Variants in CRYL1 observed in about 807,000 individuals in gnomAD.
CRYL1 encodes the protein lambda-crystallin homolog.
CRYL1 carries 29 observed loss-of-function variants against 36.6 expected under a neutral mutation model. That is an observed-to-expected ratio of 0.79 (90% CI 0.59 to 1.08). CRYL1 has a LOEUF of 1.08. CRYL1 is among the 50% of genes least tolerant of loss of function. CRYL1 has a pLI of 0.00. For missense variants in CRYL1, 411 were observed against 407.9 expected (o/e 1.01, Z -0.06); for synonymous variants, 152 against 151.5 (o/e 1.00, Z -0.02).
intron 3 of CRYL1, among the ~76,000 whole-genome samples, chr13:20,457,826 C>T (rs2032722210): frequency 6.6e-6 from 1 of 152,174 alleles, no homozygotes; most frequent in African/African-American, 2.4e-5. Context: ...TTCACTCACT[C>T]ACAAGATGAT....
intron 5 of CRYL1, chr13:20,426,799 A>C: frequency 7.1e-6 from 7 of 985,486 alleles, no homozygotes; most frequent in Non-Finnish European, 8.4e-6. Context: ...CTCAACGATG[A>C]AGTTCTGGAA....
chr13:20,405,997 A>T (rs1389740267), intron 6 of CRYL1: 1 of 152,254 alleles, frequency 6.6e-6, no homozygotes, highest in Admixed American at 6.5e-5. Context: ...CAGGGCCGGG[A>T]TCCTGGAAGA....
chr13:20,458,282 T>C (rs1427992217), intron 3 of CRYL1, among the ~76,000 whole-genome samples: 3 of 152,220 alleles, frequency 2.0e-5, no homozygotes, highest in Non-Finnish European at 4.4e-5. Flanking sequence ...TAGACTTCTC[T>C]GGGCAAATTT....
intron 3 of CRYL1, among the ~76,000 whole-genome samples, chr13:20,465,144 T>C (rs1290083517): frequency 3.9e-5 from 6 of 152,194 alleles, no homozygotes; most frequent in Non-Finnish European, 7.3e-5. Flanking sequence ...CTGGACAATA[T>C]CTCCAGCTTA....
chr13:20,431,254 C>A, intron 5 of CRYL1: 1 of 985,450 alleles, frequency 1.0e-6, no homozygotes, highest in South Asian at 4.7e-5. Context: ...CCATGCGAGT[C>A]CAAACAAGGA....
chr13:20,415,629 C>T lies in CRYL1; in HGVS notation c.634-2242G>A, dbSNP rs1490463442. ...TTGCGCACACGGGACACAAGCATAT[C>T]GAGGCTGAACAAGCCACAGTCCACG... On this transcript the variant is annotated intron_variant, in intron 5 of 7. Coordinates refer to ENST00000298248, the MANE Select transcript of CRYL1 (RefSeq NM_015974.3). This position sits in a 1 kb window ranked among gnomAD's most constrained non-coding sequence, Gnocchi z 4.1. Among the ~76,000 whole-genome samples, 2 of 152,310 alleles carry T rather than the reference C, an allele frequency of 1.3e-5. No individual in the cohort carries two copies. The highest frequency in any genetic ancestry group is 6.5e-5 in the Admixed American group (1 of 15,306).
chr13:20,404,114 T>A lies in CRYL1; in HGVS notation c.*15A>T, dbSNP rs1352255291. 5.7e-6 allele frequency: 9 copies of A among 1,576,774 alleles called. No individual in the cohort carries two copies. The highest frequency in any genetic ancestry group is 7.9e-6 in the Non-Finnish European group (9 of 1,145,956). On this transcript the variant is annotated 3_prime_UTR_variant, in exon 8 of 8. Coordinates refer to ENST00000298248, the MANE Select transcript of CRYL1 (RefSeq NM_015974.3). ...GGCCTCCAATGAGAGGAGTGGAAGC[T>A]GCATTACAAGAAATTCACTGGGGCT...
At chr13:20,492,776 A>T (rs2033534972) in intron 2 of CRYL1, among the ~76,000 whole-genome samples, 1 of 152,146 alleles carries the variant, frequency 6.6e-6, no homozygotes, top group South Asian at 2.1e-4. Context: ...TGGACATCTA[A>T]CTGTGGTTGC....
Position 20,415,026 on chromosome 13 carries a change from G to A in CRYL1, c.634-1639C>T, listed in dbSNP as rs940093169. Among the ~76,000 whole-genome samples, 15 of 152,326 alleles carry A rather than the reference G, an allele frequency of 9.8e-5. No homozygotes were observed. The highest frequency in any genetic ancestry group is 3.4e-4 in the African/African-American group (14 of 41,580). Reference sequence around the variant, plus strand: ...AGCGCTGGCCCGCCTGCGAGAGCCCGACCGTGGACGATGCGTCGCGCCCTT... The same window carrying A: ...AGCGCTGGCCCGCCTGCGAGAGCCCAACCGTGGACGATGCGTCGCGCCCTT... On this transcript the variant is annotated intron_variant, in intron 5 of 7. Coordinates refer to ENST00000298248, the MANE Select transcript of CRYL1 (RefSeq NM_015974.3). The surrounding 1 kb of genome is among the most constrained non-coding windows in gnomAD (Gnocchi z 4.1).
At chr13:20,515,530 T>C (rs111662132) in intron 1 of CRYL1, among the ~76,000 whole-genome samples, 168 of 152,258 alleles carry the variant, frequency 1.1e-3, no homozygotes, top group African/African-American at 3.9e-3. Flanking sequence ...TGGCATAATG[T>C]AGGGAGTTGC....
chr13:20,464,707 T>C (rs951893566), intron 3 of CRYL1, among the ~76,000 whole-genome samples: 4 of 152,156 alleles, frequency 2.6e-5, no homozygotes, highest in African/African-American at 9.7e-5. Context: ...CCTTTTGGAA[T>C]TTTTTTTATT....
chr13:20,457,711 T>C (rs1185828207), intron 3 of CRYL1, among the ~76,000 whole-genome samples: 1 of 152,196 alleles, frequency 6.6e-6, no homozygotes, highest in African/African-American at 2.4e-5. Context: ...ATCCATGAAA[T>C]GGGAACAACA....
chr13:20,424,845 C>T (rs1593435142), intron 5 of CRYL1, among the ~76,000 whole-genome samples: 1 of 152,104 alleles, frequency 6.6e-6, no homozygotes, highest in East Asian at 1.9e-4. Flanking sequence ...GCCCCATCAG[C>T]GATTCACTCA....
chr13:20,434,837 G>A (rs1281407664), intron 4 of CRYL1, among the ~76,000 whole-genome samples: 1 of 151,174 alleles, frequency 6.6e-6, no homozygotes, highest in Non-Finnish European at 1.5e-5. Flanking sequence ...ATCAGTTACT[G>A]AAGTCCTGTT....
At chr13:20,523,712 G>C (rs1381696864) in intron 1 of CRYL1, among the ~76,000 whole-genome samples, 1 of 152,142 alleles carries the variant, frequency 6.6e-6, no homozygotes, top group Non-Finnish European at 1.5e-5. Flanking sequence ...AAGTGCTGAG[G>C]GTGGGGGAAA....
chr13:20,435,961 A>G lies in CRYL1; in HGVS notation c.438+3632T>C, dbSNP rs1242860804. Among the ~76,000 whole-genome samples the G allele has an allele frequency of 2.6e-5, 4 of 152,196 alleles. No individual in the cohort carries two copies. The highest frequency in any genetic ancestry group is 2.1e-4 in the South Asian group (1 of 4,828). On this transcript the variant is annotated intron_variant, in intron 4 of 7. Transcript: ENST00000298248. The surrounding 1 kb of genome is among the most constrained non-coding windows in gnomAD (Gnocchi z 4.0). ...GCGGCGCGCTCGCAGGGAGGGCTCA[A>G]AGGCAGCTCGGAGCGGCCGCAGGGC...
intron 3 of CRYL1, among the ~76,000 whole-genome samples, chr13:20,486,000 C>A (rs1056988861): frequency 8.5e-5 from 13 of 152,092 alleles, no homozygotes; most frequent in African/African-American, 3.1e-4. Flanking sequence ...CCCACTGCAA[C>A]CTCCACCTCC....
rs973041406 is a variant in CRYL1, at chr13:20,481,997, T to C, written c.276+7373A>G. Among the ~76,000 whole-genome samples the C allele has an allele frequency of 6.6e-6, 1 of 152,092 alleles. No homozygotes were observed. The highest frequency in any genetic ancestry group is 2.4e-5 in the African/African-American group (1 of 41,402). On this transcript the variant is annotated intron_variant, in intron 3 of 7. Coordinates refer to ENST00000298248, the MANE Select transcript of CRYL1 (RefSeq NM_015974.3). This position sits in a 1 kb window ranked among gnomAD's most constrained non-coding sequence, Gnocchi z 4.1. ...TCCCGAATATTCTCAGGGCTGGCCA[T>C]CCCATGTGTCCAATGCTGCCTGAAC...
chr13:20,428,313 A>G (rs2031978763), intron 5 of CRYL1, among the ~76,000 whole-genome samples: 1 of 152,222 alleles, frequency 6.6e-6, no homozygotes, highest in African/African-American at 2.4e-5. Flanking sequence ...TAGGGATGCT[A>G]AAACAGTAAG....
Sources: allele counts gnomAD v4.1 joint callset (sites outside exome capture counted in the v4.1 genomes callset), GRCh38; gene constraint gnomAD v4.1.1; non-coding constraint Gnocchi (gnomAD v3.1); transcripts MANE v1.5; gene names NCBI Gene and HGNC (gene_info 2026-07-23, HGNC 2026-07-21).